The following SHANK2 variants were observed in gnomAD, a reference collection of about 807,000 sequenced individuals.
SHANK2 encodes SH3 and multiple ankyrin repeat domains protein 2.
SHANK2 carries 43 observed loss-of-function variants against 133.7 expected under a neutral mutation model. The observed-to-expected ratio is 0.32, with a 90% CI of 0.25 to 0.41. The LOEUF (loss-of-function observed/expected upper bound fraction) is 0.41, where lower values mean the gene tolerates loss of function less well. Ranked by LOEUF, SHANK2 falls within the 10% of genes least tolerant of loss-of-function variation. The pLI is 1.00. For synonymous variants in SHANK2, 1,017 were observed against 952.8 expected (o/e 1.07, Z -1.24); for missense variants, 1,994 against 2,235.8 (o/e 0.89, Z 2.18).
At chr11:71,104,395 C>G (rs903250588) in intron 6 of SHANK2, among the ~76,000 whole-genome samples, 1 of 152,206 alleles carries the variant, frequency 6.6e-6, no homozygotes, top group Non-Finnish European at 1.5e-5. Context: ...AGCCCAGTGT[C>G]TCCAACAGTG....
At chr11:70,886,697 T>TCACACA (rs10579290) in intron 11 of SHANK2, among the ~76,000 whole-genome samples, 1 of 143,460 alleles carries the variant, frequency 7.0e-6, no homozygotes, top group African/African-American at 2.5e-5. Flanking sequence ...AATCACACAA[T>TCACACA]CACACACACA....
intron 17 of SHANK2, among the ~76,000 whole-genome samples, chr11:70,522,907 C>T (rs2059348633): frequency 6.6e-6 from 1 of 152,150 alleles, no homozygotes; most frequent in East Asian, 1.9e-4. Flanking sequence ...GCCACAGTTG[C>T]CCCGGCAACG....
At chr11:70,938,939 A>G (rs1416709391) in intron 10 of SHANK2, among the ~76,000 whole-genome samples, 4 of 152,044 alleles carry the variant, frequency 2.6e-5, no homozygotes, top group Admixed American at 2.6e-4. Context: ...AAAGGTGAGG[A>G]GAGGGTCTGG....
chr11:70,720,808 T>C (rs145743672), intron 14 of SHANK2, among the ~76,000 whole-genome samples: 2 of 152,322 alleles, frequency 1.3e-5, no homozygotes, highest in Non-Finnish European at 2.9e-5. Flanking sequence ...CATGCACATA[T>C]ATACACACAT....
At chr11:70,716,807 A>G (rs1398180078) in intron 14 of SHANK2, among the ~76,000 whole-genome samples, 1 of 152,118 alleles carries the variant, frequency 6.6e-6, no homozygotes, top group Non-Finnish European at 1.5e-5. Context: ...CTCATGGCTC[A>G]CATAGATCTC....
intron 2 of SHANK2, among the ~76,000 whole-genome samples, chr11:71,162,877 CCTGA>C (rs758504754): frequency 7.9e-5 from 12 of 151,516 alleles, no homozygotes; most frequent in Non-Finnish European, 1.5e-4. Context: ...TCAAGATCAT[CCTGA>C]CTAACATGGT....
chr11:70,884,883 G>A (rs1298696646), intron 11 of SHANK2, among the ~76,000 whole-genome samples: 1 of 152,028 alleles, frequency 6.6e-6, no homozygotes, highest in Non-Finnish European at 1.5e-5. Context: ...ACCATGCCTG[G>A]CTAATTTTTG....
At chr11:70,650,331 G>A (rs2061325389) in intron 17 of SHANK2, among the ~76,000 whole-genome samples, 1 of 152,226 alleles carries the variant, frequency 6.6e-6, no homozygotes. Flanking sequence ...GAAACTCCAA[G>A]GACACAGGGG....
intron 12 of SHANK2, among the ~76,000 whole-genome samples, chr11:70,809,726 C>T (rs1948239252): frequency 6.6e-6 from 1 of 152,164 alleles, no homozygotes. Flanking sequence ...CAGATTTGTC[C>T]TGAAACCATG....
intron 1 of SHANK2, among the ~76,000 whole-genome samples, chr11:71,246,973 AT>A (rs1288001371): frequency 6.6e-6 from 1 of 152,170 alleles, no homozygotes; most frequent in Non-Finnish European, 1.5e-5. Context: ...TTCAGAAGTA[AT>A]TTTTTTAAAT....
chr11:70,732,568 A>C (rs1290677683), intron 14 of SHANK2, among the ~76,000 whole-genome samples: 2 of 150,412 alleles, frequency 1.3e-5, no homozygotes, highest in African/African-American at 4.9e-5. Flanking sequence ...CACCTCCCCG[A>C]CCCTCCCCTC....
intron 21 of SHANK2, among the ~76,000 whole-genome samples, chr11:70,496,785 C>A (rs554828587): frequency 1.3e-5 from 2 of 150,016 alleles, no homozygotes; most frequent in African/African-American, 2.5e-5. Flanking sequence ...TGGTGGGCAA[C>A]GGCTGCAGAA....
intron 1 of SHANK2, among the ~76,000 whole-genome samples, chr11:71,247,907 T>A (rs1954983282): frequency 6.6e-6 from 1 of 152,180 alleles, no homozygotes; most frequent in Non-Finnish European, 1.5e-5. Flanking sequence ...GGCAATGACA[T>A]CTGGCAGCCA....
chr11:71,237,424 G>A (rs551764821), intron 1 of SHANK2, among the ~76,000 whole-genome samples: 2 of 152,252 alleles, frequency 1.3e-5, no homozygotes, highest in South Asian at 2.1e-4. Context: ...TGCACAGCAC[G>A]CAAGCACGAC....
intron 14 of SHANK2, among the ~76,000 whole-genome samples, chr11:70,784,259 C>T (rs1391470367): frequency 6.6e-6 from 1 of 151,300 alleles, no homozygotes; most frequent in Non-Finnish European, 1.5e-5. Context: ...TCACTGCAAC[C>T]TCCGCCTCCC....
intron 17 of SHANK2, among the ~76,000 whole-genome samples, chr11:70,644,160 A>T (rs922438358): frequency 6.6e-6 from 1 of 152,236 alleles, no homozygotes; most frequent in Non-Finnish European, 1.5e-5. Context: ...TTCCAAATTT[A>T]AAAAAATGTA....
chr11:70,600,154 C>A (rs1222053422), intron 17 of SHANK2, among the ~76,000 whole-genome samples: 1 of 151,980 alleles, frequency 6.6e-6, no homozygotes, highest in African/African-American at 2.4e-5. Context: ...CACGGTGGCT[C>A]ACACCTGTAA....
intron 17 of SHANK2, among the ~76,000 whole-genome samples, chr11:70,552,230 C>T (rs1333837466): frequency 6.6e-6 from 1 of 152,090 alleles, no homozygotes; most frequent in African/African-American, 2.4e-5. Flanking sequence ...AGGCTGCCTG[C>T]GAACAAACGC....
chr11:71,118,676 C>G (rs569909407), intron 4 of SHANK2, among the ~76,000 whole-genome samples, 153 bp downstream of exon 4: 1 of 152,258 alleles, frequency 6.6e-6, no homozygotes, highest in South Asian at 2.1e-4. Flanking sequence ...CAAATCATAT[C>G]AAACCTCAAG....
Sources: allele counts gnomAD v4.1 joint callset (sites outside exome capture counted in the v4.1 genomes callset), GRCh38; gene constraint gnomAD v4.1.1; transcripts MANE v1.5; gene names NCBI Gene and HGNC (gene_info 2026-07-23, HGNC 2026-07-21).